MRPS6: variants seen among roughly 807,000 people sequenced by gnomAD.
The protein encoded by MRPS6 is small ribosomal subunit protein bS6m.
Under a neutral mutation model 13.1 loss-of-function variants are expected in MRPS6, and 6 were observed. That is an observed-to-expected ratio of 0.46 (90% CI 0.25 to 0.91). The LOEUF (loss-of-function observed/expected upper bound fraction) is 0.91, where lower values mean the gene tolerates loss of function less well. Ranked by LOEUF, MRPS6 falls within the 40% of genes least tolerant of loss-of-function variation. The pLI, the probability that MRPS6 is intolerant of heterozygous loss-of-function variation, is 0.18. For missense variants in MRPS6, 164 were observed against 155.6 expected, an observed-to-expected ratio of 1.05 and a Z score of -0.29; for synonymous variants, 61 against 56.5, an observed-to-expected ratio of 1.08 and a Z score of -0.36.
chr21:34,079,255 A>G lies in MRPS6; in HGVS notation c.45+5510A>G, dbSNP rs1425279492. On this transcript the variant is annotated intron_variant, in intron 1 of 2. Coordinates refer to ENST00000399312, the MANE Select transcript of MRPS6 (RefSeq NM_032476.4). Reference sequence around the variant, plus strand: ...AAAACTTTCACATTTCAGAGTCCATAAGTAAAGTTACATTGGAACATGACC... The same window carrying G: ...AAAACTTTCACATTTCAGAGTCCATGAGTAAAGTTACATTGGAACATGACC... Among the ~76,000 whole-genome samples the G allele has an allele frequency of 2.0e-5, 3 of 152,244 alleles. No homozygotes were observed. In the South Asian group the frequency reaches 6.2e-4, roughly 31 times the overall value.
chr21:34,088,907 C>T (rs1350126114), intron 1 of MRPS6, among the ~76,000 whole-genome samples: 2 of 151,484 alleles, frequency 1.3e-5, no homozygotes, highest in Non-Finnish European at 2.9e-5. Flanking sequence ...ATTTATAACT[C>T]ACTTATCTTT....
At chr21:34,117,968 A>G (rs1201414175) in intron 1 of MRPS6, among the ~76,000 whole-genome samples, 1 of 152,190 alleles carries the variant, frequency 6.6e-6, no homozygotes, top group Non-Finnish European at 1.5e-5. Flanking sequence ...GCAATTCTTA[A>G]GATTCTACAC....
At position 34,096,209 on chromosome 21, in the gene MRPS6, G is replaced by A. The variant is rs1260725273; in HGVS notation, c.45+22464G>A. The A allele has an allele frequency of 6.2e-7, 1 of 1,614,174 alleles. No homozygotes were observed. The highest frequency in any genetic ancestry group is 8.5e-7 in the Non-Finnish European group (1 of 1,180,018). On this transcript the variant is annotated intron_variant, in intron 1 of 2. Coordinates refer to ENST00000399312, the MANE Select transcript of MRPS6 (RefSeq NM_032476.4). The surrounding 1 kb of genome is among the most constrained non-coding windows in gnomAD (Gnocchi z 5.9). ...CTTGCATCAACCCAGAGCACTGCAT[G>A]CTGGTGTGTGGAAGCAGAGCTGGTT...
intron 1 of MRPS6, chr21:34,105,502 A>G: frequency 1.0e-6 from 1 of 999,958 alleles, no homozygotes; most frequent in Non-Finnish European, 1.2e-6. Flanking sequence ...GTATTAATGC[A>G]TTTTTAAAAG....
intron 1 of MRPS6, chr21:34,098,401 G>A: frequency 1.0e-6 from 1 of 1,000,178 alleles, no homozygotes; most frequent in South Asian, 4.7e-5. Flanking sequence ...TATCAAGGTT[G>A]AATTTTTAGA....
Position 34,115,719 on chromosome 21 carries a change from A to G in MRPS6, c.46-9622A>G, listed in dbSNP as rs562361333. Among the ~76,000 whole-genome samples, 6 of 152,300 alleles carry G rather than the reference A, an allele frequency of 3.9e-5. No individual in the cohort carries two copies. The East Asian group carries it at 1.2e-3, about 29-fold the overall frequency. On this transcript the variant is annotated intron_variant, in intron 1 of 2. Coordinates refer to ENST00000399312, the MANE Select transcript of MRPS6 (RefSeq NM_032476.4). ...TCTGTGGCAAGATAGCGGTTGGGAT[A>G]GACTTGGGAGAAGAAATTCTTTAAA...
Position 34,073,715 on chromosome 21 carries a change from G to A in MRPS6, c.15G>A (p.Glu5=), listed in dbSNP as rs567377676. The A allele has an allele frequency of 2.0e-6, 3 of 1,528,902 alleles. No homozygotes were observed. The East Asian group carries it at 7.9e-5, about 40-fold the overall frequency. 94.7% of individuals were successfully genotyped at this position (1,528,902 alleles called of 1,614,324 possible). A position where few individuals can be genotyped will look rare whatever the true frequency, so the allele number is the denominator to read the frequency against. The stretch of plus-strand genomic sequence containing the variant: ...ATCCTCCAGGCATGCCCCGCTACGA[G>A]CTGGCTTTAATCCTGAAAGCCATGC... MPRY[E]LALILKAMQR... The change falls in exon 1 of 3, where the codon GAG becomes GAA. Residue 5 remains glutamate (E), a synonymous_variant. Transcript: ENST00000399312.
chr21:34,074,673 G>T (rs76333444), intron 1 of MRPS6, among the ~76,000 whole-genome samples: 1 of 151,596 alleles, frequency 6.6e-6, no homozygotes, highest in Non-Finnish European at 1.5e-5. Flanking sequence ...TTGGTGTTAT[G>T]TTTTTTTTTC....
At chr21:34,078,285 T>C (rs190723644) in intron 1 of MRPS6, among the ~76,000 whole-genome samples, 1 of 152,304 alleles carries the variant, frequency 6.6e-6, no homozygotes, top group Admixed American at 6.5e-5. Flanking sequence ...AACAATGTTA[T>C]ACTTTCATTT....
rs554386181 is a variant in MRPS6, at chr21:34,074,479, A to G, written c.45+734A>G. Reference sequence around the variant, plus strand: ...CCCTGCTTTTGATTGATCTTGAGGTAGGGGATTTCAGGTTTGGAGGGATGC... The same window carrying G: ...CCCTGCTTTTGATTGATCTTGAGGTGGGGGATTTCAGGTTTGGAGGGATGC... On this transcript the variant is annotated intron_variant, in intron 1 of 2. Transcript: ENST00000399312. Among the ~76,000 whole-genome samples the G allele has an allele frequency of 5.9e-5, 9 of 152,244 alleles. No homozygotes were observed. The East Asian group carries it at 1.7e-3, about 29-fold the overall frequency.
chr21:34,073,589 C>G lies in MRPS6; in HGVS notation c.-112C>G, dbSNP rs1250000429. 2.3e-5 allele frequency: 22 copies of G among 946,204 alleles called. No individual in the cohort carries two copies. The highest frequency in any genetic ancestry group is 3.4e-5 in the Non-Finnish European group (22 of 649,232). 58.6% of individuals were successfully genotyped at this position (946,204 alleles called of 1,614,324 possible). A position where few individuals can be genotyped will look rare whatever the true frequency, so the allele number is the denominator to read the frequency against. ...CGCTCTCGGACCGTGCTTTCGCCGC[C>G]TGGGAGCCGTCCGGCGCAGCAGTTT... On this transcript the variant is annotated 5_prime_UTR_variant, in exon 1 of 3. Coordinates refer to ENST00000399312, the MANE Select transcript of MRPS6 (RefSeq NM_032476.4).
At chr21:34,092,939 GA>G (rs1222676821) in intron 1 of MRPS6, among the ~76,000 whole-genome samples, 3 of 152,216 alleles carry the variant, frequency 2.0e-5, no homozygotes, top group Non-Finnish European at 4.4e-5. Context: ...GGGTAGCAGA[GA>G]GCCCTGGAGG....
At chr21:34,134,034 A>G (rs960670432) in intron 2 of MRPS6, among the ~76,000 whole-genome samples, 2 of 152,204 alleles carry the variant, frequency 1.3e-5, no homozygotes, top group African/African-American at 2.4e-5. Flanking sequence ...TTGTGGGGCA[A>G]GGGGAGTGAC....
At chr21:34,100,821 T>C in intron 1 of MRPS6, 4 of 1,000,274 alleles carry the variant, frequency 4.0e-6, no homozygotes, top group Non-Finnish European at 4.8e-6. Flanking sequence ...TATCATTTGG[T>C]GTGGCCTGTG....
At position 34,142,506 on chromosome 21, in the gene MRPS6, A is replaced by G; in HGVS notation, c.284A>G (p.Lys95Arg). The change falls in exon 3 of 3, where the codon AAA (lysine) becomes AGA (arginine). Residue 95 changes from lysine to arginine, a missense_variant. Coordinates refer to ENST00000399312, the MANE Select transcript of MRPS6 (RefSeq NM_032476.4). Reference sequence around the variant, plus strand: ...GATGTGATTAGAGGGAATATTGTCAAACACCCTCTGACCCAGGAACTAAAA... The same window carrying G: ...GATGTGATTAGAGGGAATATTGTCAGACACCCTCTGACCCAGGAACTAAAA... ...DIDVIRGNIV[K>R]HPLTQELKEC... 1.2e-6 allele frequency: 2 copies of G among 1,613,656 alleles called. No homozygotes were observed. Among genetic ancestry groups the G allele is most frequent in the Non-Finnish European group, 8.5e-7 (1 of 1,179,798 alleles).
intron 1 of MRPS6, among the ~76,000 whole-genome samples, chr21:34,114,550 G>A (rs1339965171): frequency 6.6e-6 from 1 of 152,104 alleles, no homozygotes; most frequent in Non-Finnish European, 1.5e-5. Context: ...TGAAATATCT[G>A]AGGGTAAGAT....
chr21:34,111,907 G>A (rs547268442), intron 1 of MRPS6, among the ~76,000 whole-genome samples: 1 of 150,092 alleles, frequency 6.7e-6, no homozygotes, highest in East Asian at 2.0e-4. Flanking sequence ...ACATCCATTT[G>A]GTTTTGTATT....
intron 2 of MRPS6, among the ~76,000 whole-genome samples, chr21:34,126,256 T>G (rs1001976990): frequency 1.3e-5 from 2 of 152,196 alleles, no homozygotes; most frequent in African/African-American, 2.4e-5. Context: ...CCATCTGCAT[T>G]GCCACAAGGA....
chr21:34,133,001 TC>T (rs1980557899), intron 2 of MRPS6, among the ~76,000 whole-genome samples: 1 of 152,158 alleles, frequency 6.6e-6, no homozygotes, highest in African/African-American at 2.4e-5. Context: ...CTTTGAAGAC[TC>T]CTAGAGGAGT....
Sources: allele counts gnomAD v4.1 joint callset (sites outside exome capture counted in the v4.1 genomes callset), GRCh38; gene constraint gnomAD v4.1.1; non-coding constraint Gnocchi (gnomAD v3.1); transcripts MANE v1.5; gene names NCBI Gene and HGNC (gene_info 2026-07-23, HGNC 2026-07-21).